PIK3CA: variants seen among roughly 807,000 people sequenced by gnomAD.
PIK3CA encodes phosphatidylinositol 4,5-bisphosphate 3-kinase catalytic subunit alpha isoform.
PIK3CA carries 27 observed loss-of-function variants against 138.2 expected under a neutral mutation model. The ratio of observed to expected loss-of-function variants is 0.20; its 90% CI spans 0.14 to 0.27. PIK3CA has a LOEUF of 0.27. Among genes scored for constraint, PIK3CA ranks in the 10% least tolerant of loss-of-function variants. The pLI is 1.00. For synonymous variants in PIK3CA, 358 were observed against 413.2 expected, an observed-to-expected ratio of 0.87 and a Z score of 1.62; for missense variants, 544 against 1,277.4, an observed-to-expected ratio of 0.43 and a Z score of 8.75.
chr3:179,225,128 T>G (rs1157542206), intron 16 of PIK3CA, among the ~76,000 whole-genome samples: 5 of 148,064 alleles, frequency 3.4e-5, no homozygotes, highest in African/African-American at 9.9e-5. Flanking sequence ...GTTGTTTTGG[T>G]TTTTTTTTTA....
chr3:179,150,724 A>G (rs569816604), intron 1 of PIK3CA, among the ~76,000 whole-genome samples: 56 of 152,196 alleles, frequency 3.7e-4, no homozygotes, highest in Non-Finnish European at 7.1e-4. Flanking sequence ...CTCCATCCCA[A>G]ATCAGTATCC....
chr3:179,224,623 T>A (rs1725041636), intron 15 of PIK3CA, 77 bp from the exon 16 acceptor site: 1 of 961,578 alleles, frequency 1.0e-6, no homozygotes, highest in African/African-American at 1.7e-5. Flanking sequence ...TATATTGTAT[T>A]TATATTTTAA....
intron 1 of PIK3CA, among the ~76,000 whole-genome samples, chr3:179,179,930 T>TA (rs1195940761): frequency 6.6e-6 from 1 of 152,004 alleles, no homozygotes; most frequent in Non-Finnish European, 1.5e-5. Context: ...AAAATGGCAA[T>TA]AAATGTGAAT....
At position 179,224,712 on chromosome 3, in the gene PIK3CA, T is replaced by G; in HGVS notation, c.2307T>G (p.Cys769Trp). The change falls in exon 16 of 21, where the codon TGT becomes TGG. Residue 769 changes from cysteine to tryptophan, a missense_variant. Cys to Trp is a radical substitution (Grantham distance 215). Around this residue, in one of 14 missense-constraint regions of PIK3CA, gnomAD observed 35 missense variants for 49.4 expected, o/e 0.71. Coordinates refer to ENST00000263967, the MANE Select transcript of PIK3CA (RefSeq NM_006218.4). ...HQLGNLRLEE[C>W]RIMSSAKRPL... ...AACTATTTTAAAGGCTTGAAGAGTG[T>G]CGAATTATGTCCTCTGCAAAAAGGC... 1 of 1,605,304 alleles carries G rather than the reference T, an allele frequency of 6.2e-7. No individual in the cohort carries two copies. Among genetic ancestry groups the G allele is most frequent in the Non-Finnish European group, 8.5e-7 (1 of 1,173,432 alleles).
chr3:179,227,464 G>C (rs1369182133), intron 17 of PIK3CA, among the ~76,000 whole-genome samples: 1 of 152,028 alleles, frequency 6.6e-6, no homozygotes, highest in Non-Finnish European at 1.5e-5. Flanking sequence ...GGTTGTGTAA[G>C]AGAAGTCATC....
At chr3:179,200,402 A>G (rs953956036) in intron 3 of PIK3CA, among the ~76,000 whole-genome samples, 53 of 152,222 alleles carry the variant, frequency 3.5e-4, no homozygotes, top group Admixed American at 2.7e-3. Flanking sequence ...TTAAGGGAAC[A>G]AGAAACTAAA....
In PIK3CA at chr3:179,193,422, G is replaced by A. The variant is rs184124884; in HGVS notation, c.-76-5328G>A. ...ACTGTAATCAGGCAGGTTGGCCTTC[G>A]CTGAGAAGTGACCATTGATTGCTAG... On this transcript the variant is annotated intron_variant, in intron 1 of 20. Transcript: ENST00000263967. 1.3e-4 allele frequency among the ~76,000 whole-genome samples: 20 copies of A among 152,302 alleles called. 1 individual carries two copies. The highest frequency in any genetic ancestry group is 9.1e-4 in the Admixed American group (14 of 15,306).
In PIK3CA at chr3:179,173,079, G is replaced by A. The variant is rs79335313; in HGVS notation, c.-77+24476G>A. ...GGTATATCCTATAGATCTTTTTCCC[G>A]TGATTTAATGAAATGTAACATTTAT... On this transcript the variant is annotated intron_variant, in intron 1 of 20. Coordinates refer to ENST00000263967, the MANE Select transcript of PIK3CA (RefSeq NM_006218.4). 1.5e-3 allele frequency among the ~76,000 whole-genome samples: 227 copies of A among 151,614 alleles called. 3 individuals are homozygous for A. Among genetic ancestry groups the A allele is most frequent in the African/African-American group, 4.5e-3 (186 of 41,344 alleles).
At chr3:179,166,534 C>G (rs1002405639) in intron 1 of PIK3CA, among the ~76,000 whole-genome samples, 1 of 152,180 alleles carries the variant, frequency 6.6e-6, no homozygotes, top group Admixed American at 6.5e-5. Context: ...AGCCATTTGT[C>G]TCTCACTTTC....
chr3:179,201,247 T>G, intron 3 of PIK3CA, 43 bp from the exon 4 acceptor site: 1 of 1,537,516 alleles, frequency 6.5e-7, no homozygotes, highest in Non-Finnish European at 8.8e-7. Context: ...CCTTGAAAAA[T>G]GAAAGAGAGA....
intron 14 of PIK3CA, among the ~76,000 whole-genome samples, chr3:179,223,734 A>G (rs1725019527): frequency 1.3e-5 from 2 of 152,184 alleles, no homozygotes; most frequent in African/African-American, 4.8e-5. Flanking sequence ...AGCAGCCAAT[A>G]TGTAATGAAT....
chr3:179,231,483 A>G (rs148526131), intron 20 of PIK3CA, among the ~76,000 whole-genome samples: 4 of 152,012 alleles, frequency 2.6e-5, no homozygotes, highest in East Asian at 1.9e-4. Context: ...CTTTTTAATT[A>G]TGGCCATTCT....
chr3:179,233,655 C>T (rs1725263047), intron 20 of PIK3CA, among the ~76,000 whole-genome samples: 1 of 152,108 alleles, frequency 6.6e-6, no homozygotes, highest in Admixed American at 6.6e-5. Context: ...GTCAGTCAAC[C>T]ATAATCACCT....
intron 1 of PIK3CA, among the ~76,000 whole-genome samples, chr3:179,170,244 AT>A (rs1723527213): frequency 6.6e-6 from 1 of 152,198 alleles, no homozygotes; most frequent in Admixed American, 6.5e-5. Flanking sequence ...ATCAATAGCT[AT>A]TTTTTTGCCT....
At chr3:179,167,435 T>C (rs1723448148) in intron 1 of PIK3CA, among the ~76,000 whole-genome samples, 1 of 152,152 alleles carries the variant, frequency 6.6e-6, no homozygotes, top group African/African-American at 2.4e-5. Context: ...CTTTCAGTAA[T>C]ATTCCTGATT....
Position 179,234,005 on chromosome 3 carries a change from C to A in PIK3CA, c.2937-89C>A. The A allele has an allele frequency of 1.2e-6, 1 of 848,146 alleles. No homozygotes were observed. Among genetic ancestry groups the A allele is most frequent in the Non-Finnish European group, 1.8e-6 (1 of 544,686 alleles). 52.5% of individuals were successfully genotyped at this position (848,146 alleles called of 1,614,324 possible). On this transcript the variant is annotated intron_variant, in intron 20 of 20. Transcript: ENST00000263967. The surrounding 1 kb of genome is among the most constrained non-coding windows in gnomAD (Gnocchi z 5.1). Reference sequence around the variant, plus strand: ...TTTTTTATAGCTTTGTCTACGAAAGCCTCTCTAATTTTGTGACATTTGAGC... The same window carrying A: ...TTTTTTATAGCTTTGTCTACGAAAGACTCTCTAATTTTGTGACATTTGAGC...
At chr3:179,168,354 A>G (rs1244479209) in intron 1 of PIK3CA, among the ~76,000 whole-genome samples, 1 of 152,160 alleles carries the variant, frequency 6.6e-6, no homozygotes, top group Non-Finnish European at 1.5e-5. Context: ...CTTGTTATTG[A>G]TGAGAATAGC....
chr3:179,149,256 T>A (rs1464774643), intron 1 of PIK3CA, among the ~76,000 whole-genome samples: 5 of 152,176 alleles, frequency 3.3e-5, no homozygotes, highest in African/African-American at 1.2e-4. Flanking sequence ...CACTGACTCA[T>A]GTGACTTGTC....
intron 1 of PIK3CA, among the ~76,000 whole-genome samples, chr3:179,176,290 T>G (rs1723695691): frequency 6.6e-6 from 1 of 152,198 alleles, no homozygotes; most frequent in South Asian, 2.1e-4. Flanking sequence ...AGACCTGGAA[T>G]TCCAGTAGTT....
Sources: allele counts gnomAD v4.1 joint callset (sites outside exome capture counted in the v4.1 genomes callset), GRCh38; gene constraint gnomAD v4.1.1; regional missense constraint gnomAD v4.1.1; non-coding constraint Gnocchi (gnomAD v3.1); transcripts MANE v1.5; gene names NCBI Gene and HGNC (gene_info 2026-07-23, HGNC 2026-07-21).